Variants in TENT4B observed in about 807,000 individuals in gnomAD.
The protein encoded by TENT4B is terminal nucleotidyltransferase 4B.
A neutral mutation model predicts 75.0 loss-of-function variants in TENT4B; 10 were observed. The observed-to-expected ratio is 0.13, with a 90% confidence interval of 0.08 to 0.23. The LOEUF (loss-of-function observed/expected upper bound fraction) is 0.23. Ranked by LOEUF, TENT4B falls within the 10% of genes least tolerant of loss-of-function variation. The probability of loss-of-function intolerance (pLI) is 1.00; values close to 1 mark genes in which losing one functional copy is unlikely to be tolerated. For missense variants in TENT4B, 579 were observed against 893.8 expected (o/e 0.65, Z 4.49); for synonymous variants, 350 against 357.7 (o/e 0.98, Z 0.24).
chr16:50,165,668 G>T (rs984334069), intron 1 of TENT4B, among the ~76,000 whole-genome samples: 3 of 152,114 alleles, frequency 2.0e-5, no homozygotes, highest in Non-Finnish European at 4.4e-5. Context: ...CATATAAGTG[G>T]AATCATAACA....
chr16:50,173,196 G>A (rs542205487), intron 1 of TENT4B, among the ~76,000 whole-genome samples: 20 of 152,152 alleles, frequency 1.3e-4, no homozygotes, highest in South Asian at 8.3e-4. Flanking sequence ...CACCCACCTC[G>A]GCCTCCCAAA....
intron 1 of TENT4B, among the ~76,000 whole-genome samples, chr16:50,156,085 TAGG>T (rs1169305057): frequency 1.3e-5 from 2 of 152,174 alleles, no homozygotes; most frequent in African/African-American, 4.8e-5. Flanking sequence ...TCAAAGGGAT[TAGG>T]AGAGGAATTT....
Position 50,232,335 on chromosome 16 carries a change from G to A in TENT4B, c.*3007G>A. ...CCTCCAGTCTTCAACAGTTGATTCT[G>A]TTTTATTTTTATCCTGTTTTGAGTG... is the stretch of plus-strand genomic sequence containing the variant. On this transcript the variant is annotated 3_prime_UTR_variant, in exon 12 of 12. Transcript: ENST00000561678. 3 of 985,322 alleles carry A rather than the reference G, an allele frequency of 3.0e-6. No homozygotes were observed. Among genetic ancestry groups the A allele is most frequent in the Non-Finnish European group, 3.6e-6 (3 of 829,890 alleles). 61.0% of individuals were successfully genotyped at this position (985,322 alleles called of 1,614,324 possible).
Position 50,153,904 on chromosome 16 carries a change from G to T in TENT4B, c.283G>T (p.Ala95Ser). 6.6e-7 allele frequency: 1 copy of T among 1,524,858 alleles called. No homozygotes were observed. Among genetic ancestry groups the T allele is most frequent in the Non-Finnish European group, 8.7e-7 (1 of 1,142,880 alleles). The allele number at this position is 1,524,858 out of a possible 1,614,324, so 94.5% of individuals were successfully genotyped here. ...CGGGGAGCGCCTGCTGGGCAGCCAC[G>T]CGCTGCCCGCGGAGCAGCGGGACTT... ...RSGERLLGSH[A>S]LPAEQRDFLP... The change falls in exon 1 of 12, where the codon GCG becomes TCG. Residue 95 changes from alanine to serine, a missense_variant. By Grantham distance (99) the Ala-to-Ser change is moderately conservative. Coordinates refer to ENST00000561678, the MANE Select transcript of TENT4B (RefSeq NM_001365324.3).
chr16:50,172,505 T>C (rs946510823), intron 1 of TENT4B, among the ~76,000 whole-genome samples: 7 of 57,778 alleles, frequency 1.2e-4, no homozygotes, highest in African/African-American at 5.3e-4. Flanking sequence ...ATAGAATTTA[T>C]TACTTTTTTT....
intron 1 of TENT4B, among the ~76,000 whole-genome samples, chr16:50,156,061 C>A (rs1408038923): frequency 6.6e-6 from 1 of 152,026 alleles, no homozygotes; most frequent in African/African-American, 2.4e-5. Context: ...GTTCCTGATT[C>A]AAATATATTG....
chr16:50,217,757 G>GCTCTCTCTCTCTCTCTCT, intron 5 of TENT4B, 94 bp downstream of exon 5: 1 of 482,186 alleles, frequency 2.1e-6, no homozygotes, highest in Non-Finnish European at 3.3e-6. Context: ...TATGCATGTT[G>GCTCTCTCTCTCTCTCTCT]CTGTCTCTCT....
At chr16:50,222,461 G>C (rs778676361) in intron 6 of TENT4B, 27 bp downstream of exon 6, 5 of 1,602,726 alleles carry the variant, frequency 3.1e-6, no homozygotes, top group Non-Finnish European at 3.4e-6. Flanking sequence ...TAGCATGCTA[G>C]TGCACACTAA....
At chr16:50,202,151 A>T (rs1241697709) in intron 1 of TENT4B, among the ~76,000 whole-genome samples, 1 of 152,192 alleles carries the variant, frequency 6.6e-6, no homozygotes, top group African/African-American at 2.4e-5. Context: ...TAAATTATTT[A>T]TTGAGCAAAT....
chr16:50,154,026 G>A lies in TENT4B; in HGVS notation c.405G>A (p.Ala135=). 6.5e-7 allele frequency: 1 copy of A among 1,533,338 alleles called. No individual in the cohort carries two copies. The allele number at this position is 1,533,338 out of a possible 1,614,324, so 95.0% of individuals were successfully genotyped here. ...CCTCGGCGTCCTCGCCTCCCTCGGC[G>A]TCCTCGTCCCCGCACCCTTCGGCCG... is the stretch of plus-strand genomic sequence containing the variant. ...AGSSASSPPS[A]SSSPHPSAAV... is the part of the protein sequence containing the mutation. Residue 135 remains alanine, a synonymous_variant, in exon 1 of 12, where the codon GCG becomes GCA. Transcript: ENST00000561678.
intron 4 of TENT4B, 65 bp from the exon 5 acceptor site, chr16:50,217,491 C>A: frequency 1.2e-6 from 1 of 851,806 alleles, no homozygotes; most frequent in Non-Finnish European, 1.8e-6. Flanking sequence ...AGTAGGCTTC[C>A]ATCCCCTGAT....
chr16:50,184,096 T>C (rs1441835506), intron 1 of TENT4B, among the ~76,000 whole-genome samples: 1 of 152,184 alleles, frequency 6.6e-6, no homozygotes, highest in Non-Finnish European at 1.5e-5. Flanking sequence ...CAGAATACTT[T>C]TTGTCTCCAC....
At chr16:50,204,229 A>C (rs1488540748) in intron 1 of TENT4B, among the ~76,000 whole-genome samples, 1 of 152,166 alleles carries the variant, frequency 6.6e-6, no homozygotes, top group Non-Finnish European at 1.5e-5. Context: ...AGGCTGCCAT[A>C]GTGTTCTACT....
At position 50,231,386 on chromosome 16, in the gene TENT4B, G is replaced by GTA; in HGVS notation, c.*2060_*2061dup. 1.0e-6 allele frequency: 1 copy of GTA among 982,118 alleles called. No homozygotes were observed. Among genetic ancestry groups the GTA allele is most frequent in the Non-Finnish European group, 1.2e-6 (1 of 826,632 alleles). 60.8% of individuals were successfully genotyped at this position (982,118 alleles called of 1,614,324 possible). Reference sequence around the variant, plus strand: ...TATTTATAAAATAATATTAAATCCAGTATTAGCTGCCTATTTCAGACACTT... The same window carrying GTA: ...TATTTATAAAATAATATTAAATCCAGTATATTAGCTGCCTATTTCAGACACTT... On this transcript the variant is annotated 3_prime_UTR_variant, in exon 12 of 12. Transcript: ENST00000561678.
Position 50,224,731 on chromosome 16 carries a change from A to G in TENT4B, c.1456A>G (p.Ser486Gly). Residue 486 changes from serine (S) to glycine (G), a missense_variant, in exon 8 of 12, where the codon AGT becomes GGT. Coordinates refer to ENST00000561678, the MANE Select transcript of TENT4B (RefSeq NM_001365324.3). ...CTTTGATTATGCCTACGTTGTTTTG[A>G]GTCATGCTGTATCACCAATAGCAAA... ...QAFDYAYVVL[S>G]HAVSPIAKYY... 6.2e-7 allele frequency: 1 copy of G among 1,614,060 alleles called. No homozygotes were observed. Among genetic ancestry groups the G allele is most frequent in the Non-Finnish European group, 8.5e-7 (1 of 1,179,894 alleles).
At chr16:50,216,395 G>T (rs548736195) in intron 4 of TENT4B, among the ~76,000 whole-genome samples, 200 bp downstream of exon 4, 7 of 152,188 alleles carry the variant, frequency 4.6e-5, no homozygotes, top group South Asian at 2.1e-4. Context: ...ACTACAACCT[G>T]TGCCTCCTCG....
At chr16:50,221,949 A>T (rs1330723268) in intron 5 of TENT4B, among the ~76,000 whole-genome samples, 1 of 151,974 alleles carries the variant, frequency 6.6e-6, no homozygotes, top group African/African-American at 2.4e-5. Flanking sequence ...TTTTTAGTAG[A>T]GATAGGCGTT....
At chr16:50,172,701 G>A (rs548625836) in intron 1 of TENT4B, among the ~76,000 whole-genome samples, 4 of 152,030 alleles carry the variant, frequency 2.6e-5, no homozygotes, top group Non-Finnish European at 2.9e-5. Context: ...TTCACTCTTG[G>A]TGTTGCAGTT....
intron 1 of TENT4B, among the ~76,000 whole-genome samples, chr16:50,178,142 CTTTTT>C (rs35008488): frequency 2.6e-5 from 3 of 115,632 alleles, no homozygotes; most frequent in East Asian, 2.4e-4. Context: ...AGGTGGTCTA[CTTTTT>C]TTTTTTTTTT....
Sources: gnomAD v4.1 joint callset for allele counts (sites outside exome capture counted in the v4.1 genomes callset) on GRCh38, gnomAD v4.1.1 for gene constraint, MANE v1.5 for transcripts, NCBI Gene and HGNC (gene_info 2026-07-23, HGNC 2026-07-21) for gene names.